COL9A2: variants seen among roughly 807,000 people sequenced by gnomAD.
COL9A2 encodes the protein collagen type IX alpha 2 chain, also known as collagen alpha-2(IX) chain.
In COL9A2, 66 loss-of-function variants were observed where a neutral mutation model predicts 111.6. The observed-to-expected ratio is 0.59, with a 90% CI of 0.48 to 0.73. The LOEUF (loss-of-function observed/expected upper bound fraction) is 0.73. Ranked by LOEUF, COL9A2 falls within the 30% of genes least tolerant of loss-of-function variation. The probability of loss-of-function intolerance (pLI) is 0.00; values close to 1 mark genes in which losing one functional copy is unlikely to be tolerated. For missense variants in COL9A2, 881 were observed against 954.1 expected (o/e 0.92, Z 1.01); for synonymous variants, 353 against 364.1 (o/e 0.97, Z 0.35).
At position 40,316,829 on chromosome 1, in the gene COL9A2, C is replaced by T; in HGVS notation, c.75+294G>A. 1.9e-6 allele frequency: 1 copy of T among 528,614 alleles called. No homozygotes were observed. Among genetic ancestry groups the T allele is most frequent in the Non-Finnish European group, 3.4e-6 (1 of 291,726 alleles). The allele number at this position is 528,614 out of a possible 1,614,324, so 32.7% of individuals were successfully genotyped here. ...ACCATTGTATGCCCCGCCACCTGGG[C>T]TCCCCGGGCTGCCAGGACCGGGCGC... On this transcript the variant is annotated intron_variant, in intron 1 of 31. Coordinates refer to ENST00000372748, the MANE Select transcript of COL9A2 (RefSeq NM_001852.4). The surrounding 1 kb of genome is among the most constrained non-coding windows in gnomAD (Gnocchi z 5.5).
In COL9A2 at chr1:40,304,386, A is replaced by G. The variant is rs763361168; in HGVS notation, c.1221T>C (p.Pro407=). ...TTCCGGGGGGGCCCTGCTCCCCCTT[A>G]GGGCCCTGAGGAGAAAAGAAACCAA... ...GQPGPQGRQG[P]KGEQGPPGIP... The change falls in exon 24 of 32, where the codon CCT becomes CCC. Residue 407 remains proline, a synonymous_variant. Transcript: ENST00000372748. The G allele has an allele frequency of 6.3e-7, 1 of 1,597,902 alleles. No homozygotes were observed. Among genetic ancestry groups the G allele is most frequent in the African/African-American group, 1.3e-5 (1 of 74,784 alleles).
At chr1:40,304,194 T>C (rs1643981783) in intron 24 of COL9A2, 95 bp from the exon 25 acceptor site, 1 of 1,516,732 alleles carries the variant, frequency 6.6e-7, no homozygotes, top group Non-Finnish European at 8.9e-7. Context: ...CAACTCCGCC[T>C]CGCCGACCAG....
rs79593152 is a variant in COL9A2, at chr1:40,302,216, C to T, written c.1793-327G>A. Among the ~76,000 whole-genome samples the T allele has an allele frequency of 0.052, 7,974 of 152,098 alleles. 234 individuals are homozygous for T. The highest frequency in any genetic ancestry group is 0.065 in the Middle Eastern group (19 of 294). ...TGATGAGGTTGGTACTTTCAGTGTC[C>T]CCATTTTACAGATAGTAAACCTAAG... On this transcript the variant is annotated intron_variant, in intron 30 of 31. Transcript: ENST00000372748. The surrounding 1 kb of genome is among the most constrained non-coding windows in gnomAD (Gnocchi z 4.5).
At chr1:40,301,717 A>C (rs1472111005) in intron 31 of COL9A2, 95 bp downstream of exon 31, 2 of 1,204,822 alleles carry the variant, frequency 1.7e-6, no homozygotes, top group African/African-American at 3.0e-5. Flanking sequence ...GAGCTGGCTG[A>C]GCGTGAGGCC....
rs1157992348 is a variant in COL9A2 at position 40,313,526 on chromosome 1, G to C, written c.249+679C>G. Among the ~76,000 whole-genome samples, 4 of 152,318 alleles carry C rather than the reference G, an allele frequency of 2.6e-5. No individual in the cohort carries two copies. In the South Asian group the frequency reaches 8.3e-4, roughly 32 times the overall value. On this transcript the variant is annotated intron_variant, in intron 4 of 31. Coordinates refer to ENST00000372748, the MANE Select transcript of COL9A2 (RefSeq NM_001852.4). ...TCTGGGTGCCTCTCTGGGTGGATGT[G>C]AGAACTGATGCAACATAGAAGGCAA...
In COL9A2 at chr1:40,304,351, G is replaced by A. The variant is rs1004011635; in HGVS notation, c.1256C>T (p.Pro419Leu). The A allele has an allele frequency of 2.5e-6, 4 of 1,575,994 alleles. No homozygotes were observed. The African/African-American group carries it at 4.0e-5, about 16-fold the overall frequency. ...GEQGPPGIPG[P>L]QGLPGVKGDK... is the part of the protein sequence containing the mutation. The stretch of plus-strand genomic sequence containing the variant: ...TCCTTTGACGCCTGGCAAGCCTTGG[G>A]GCCCTGGAATTCCGGGGGGGCCCTG... Residue 419 changes from proline (P) to leucine (L), a missense_variant, in exon 24 of 32, where the codon CCC (proline) becomes CTC (leucine). Pro to Leu is a moderately conservative substitution (Grantham distance 98). Transcript: ENST00000372748.
Position 40,312,344 on chromosome 1 carries a change from A to G in COL9A2, c.363+112T>C. The G allele has an allele frequency of 7.6e-6, 11 of 1,442,570 alleles. No homozygotes were observed. Among genetic ancestry groups the G allele is most frequent in the Non-Finnish European group, 1.1e-5 (11 of 1,046,730 alleles). 89.4% of individuals were successfully genotyped at this position (1,442,570 alleles called of 1,614,324 possible). The stretch of plus-strand genomic sequence containing the variant: ...TCTGGCAGGTCCACTTATTCCTGAC[A>G]CTATCACAGCAAGCTGGCTCCTTCC... On this transcript the variant is annotated intron_variant, in intron 7 of 31. Coordinates refer to ENST00000372748, the MANE Select transcript of COL9A2 (RefSeq NM_001852.4). This position sits in a 1 kb window ranked among gnomAD's most constrained non-coding sequence, Gnocchi z 6.0.
Position 40,314,080 on chromosome 1 carries a change from C to T in COL9A2, c.249+125G>A, listed in dbSNP as rs925193776. The T allele has an allele frequency of 9.5e-7, 1 of 1,057,872 alleles. No individual in the cohort carries two copies. Among genetic ancestry groups the T allele is most frequent in the Admixed American group, 1.7e-5 (1 of 59,192 alleles). 65.5% of individuals were successfully genotyped at this position (1,057,872 alleles called of 1,614,324 possible). On this transcript the variant is annotated intron_variant, in intron 4 of 31. Coordinates refer to ENST00000372748, the MANE Select transcript of COL9A2 (RefSeq NM_001852.4). The surrounding 1 kb of genome is among the most constrained non-coding windows in gnomAD (Gnocchi z 4.1). ...ACAAGTCATATCAAGGTGAGGGGGG[C>T]TCACAGCTGGAGAATCTCCATCCTG...
Position 40,305,774 on chromosome 1 carries a change from G to C in COL9A2, c.1054-6C>G, listed in dbSNP as rs748637045. 1 of 1,614,088 alleles carries C rather than the reference G, an allele frequency of 6.2e-7. No homozygotes were observed. ...CCCTGCGGGCCCGGCTCACCCTGCA[G>C]GAAAACAGTTCTCAGGTCAGTCTGG... On this transcript the variant is annotated splice_polypyrimidine_tract_variant and splice_region_variant and intron_variant, in intron 20 of 31. Coordinates refer to ENST00000372748, the MANE Select transcript of COL9A2 (RefSeq NM_001852.4).
chr1:40,315,681 G>C lies in COL9A2; in HGVS notation c.76-17C>G. On this transcript the variant is annotated splice_polypyrimidine_tract_variant and intron_variant, in intron 1 of 31. Transcript: ENST00000372748. ...TGGACCTCTCTGAAAAACACACACG[G>C]GGTGGGGCAGTCCTCAGACAGTGCA... The C allele has an allele frequency of 6.5e-7, 1 of 1,544,880 alleles. No individual in the cohort carries two copies. The highest frequency in any genetic ancestry group is 8.8e-7 in the Non-Finnish European group (1 of 1,141,424).
At chr1:40,301,969 G>T (rs1216515593) in intron 30 of COL9A2, 80 bp from the exon 31 acceptor site, 5 of 1,376,066 alleles carry the variant, frequency 3.6e-6, no homozygotes, top group African/African-American at 2.9e-5. Context: ...TTCACGCAAA[G>T]AAATTATTCC....
chr1:40,311,471 T>C lies in COL9A2; in HGVS notation c.519+29A>G. The C allele has an allele frequency of 7.7e-7, 1 of 1,293,720 alleles. No homozygotes were observed. The highest frequency in any genetic ancestry group is 1.1e-6 in the Non-Finnish European group (1 of 920,472). The allele number at this position is 1,293,720 out of a possible 1,614,324, so 80.1% of individuals were successfully genotyped here. A position where few individuals can be genotyped will look rare whatever the true frequency, so the allele number is the denominator to read the frequency against. On this transcript the variant is annotated intron_variant, in intron 10 of 31. Transcript: ENST00000372748. The surrounding 1 kb of genome is among the most constrained non-coding windows in gnomAD (Gnocchi z 5.1). ...ATCTCTGTGGCCCCGCCCCCCTGTGTTAGCCCCGCCCCAGACCTCGTCTCT... is the reference window on the plus strand; with the variant it reads ...ATCTCTGTGGCCCCGCCCCCCTGTGCTAGCCCCGCCCCAGACCTCGTCTCT...
At position 40,310,672 on chromosome 1, in the gene COL9A2, G is replaced by A. The variant is rs1202272262; in HGVS notation, c.684+42C>T. ...GGAATGACTCCATGAAGGGCTCCTG[G>A]GGTGAGGGAGAAGAGGGCCACTGAG... is the stretch of plus-strand genomic sequence containing the variant. On this transcript the variant is annotated intron_variant, in intron 13 of 31. Coordinates refer to ENST00000372748, the MANE Select transcript of COL9A2 (RefSeq NM_001852.4). This position sits in a 1 kb window ranked among gnomAD's most constrained non-coding sequence, Gnocchi z 4.9. The A allele has an allele frequency of 6.5e-7, 1 of 1,532,008 alleles. No homozygotes were observed. Among genetic ancestry groups the A allele is most frequent in the South Asian group, 1.2e-5 (1 of 84,004 alleles). The allele number at this position is 1,532,008 out of a possible 1,614,324, so 94.9% of individuals were successfully genotyped here.
chr1:40,304,631 C>CCAGTGACAGCAGGAA, intron 22 of COL9A2, 102 bp from the exon 23 acceptor site: 3 of 1,455,870 alleles, frequency 2.1e-6, no homozygotes, highest in Non-Finnish European at 2.8e-6. Flanking sequence ...TCCATTCCTG[C>CCAGTGACAGCAGGAA]TGTCACTGGC....
rs1181084800 is a variant in COL9A2, at chr1:40,312,201, C to T, written c.364-89G>A. The T allele has an allele frequency of 1.7e-6, 2 of 1,184,756 alleles. No homozygotes were observed. The highest frequency in any genetic ancestry group is 2.4e-6 in the Non-Finnish European group (2 of 831,030). The allele number at this position is 1,184,756 out of a possible 1,614,324, so 73.4% of individuals were successfully genotyped here. On this transcript the variant is annotated intron_variant, in intron 7 of 31. Transcript: ENST00000372748. This position sits in a 1 kb window ranked among gnomAD's most constrained non-coding sequence, Gnocchi z 6.0. Reference sequence around the variant, plus strand: ...AGAGACAGGCACCCAAAGCCCGTTTCTCCACTTTTACTTTTTTTTTTTTTT... The same window carrying T: ...AGAGACAGGCACCCAAAGCCCGTTTTTCCACTTTTACTTTTTTTTTTTTTT...
Position 40,303,724 on chromosome 1 carries a change from GGTGGGCGAGA to G in COL9A2, c.1402-58_1402-49del. 6.5e-7 allele frequency: 1 copy of G among 1,535,532 alleles called. No individual in the cohort carries two copies. The highest frequency in any genetic ancestry group is 8.8e-7 in the Non-Finnish European group (1 of 1,142,146). On this transcript the variant is annotated intron_variant, in intron 27 of 31. Coordinates refer to ENST00000372748, the MANE Select transcript of COL9A2 (RefSeq NM_001852.4). This position sits in a 1 kb window ranked among gnomAD's most constrained non-coding sequence, Gnocchi z 4.6. ...GCAGAGCCGGGTGAGAAGGCGCCCG[GGTGGGCGAGA>G]GTGGGGGGTGGGGGTCGAGGAAGGG...
chr1:40,305,614 G>A, intron 21 of COL9A2, 101 bp downstream of exon 21: 4 of 1,104,740 alleles, frequency 3.6e-6, no homozygotes, highest in Non-Finnish European at 5.6e-6. Context: ...CATTGGGTCA[G>A]GGCAGAGCCA....
In COL9A2 at chr1:40,303,258, C is replaced by T; in HGVS notation, c.1549-73G>A. ...ACCGCTCCTATCCCACCTGGCTGAG[C>T]GTGAGGCCGCCATGGAGGAGACTCT... On this transcript the variant is annotated intron_variant, in intron 28 of 31. Coordinates refer to ENST00000372748, the MANE Select transcript of COL9A2 (RefSeq NM_001852.4). The surrounding 1 kb of genome is among the most constrained non-coding windows in gnomAD (Gnocchi z 4.6). 1 of 1,452,516 alleles carries T rather than the reference C, an allele frequency of 6.9e-7. No homozygotes were observed. Among genetic ancestry groups the T allele is most frequent in the Non-Finnish European group, 9.5e-7 (1 of 1,051,352 alleles). 90.0% of individuals were successfully genotyped at this position (1,452,516 alleles called of 1,614,324 possible).
chr1:40,309,375 T>C (rs1288525353), intron 16 of COL9A2, among the ~76,000 whole-genome samples: 1 of 152,028 alleles, frequency 6.6e-6, no homozygotes, highest in Non-Finnish European at 1.5e-5. Flanking sequence ...TTAACTGTGT[T>C]TTCTGCTCCA....
Sources: gnomAD v4.1 joint callset for allele counts (sites outside exome capture counted in the v4.1 genomes callset) on GRCh38, gnomAD v4.1.1 for gene constraint, Gnocchi (gnomAD v3.1) non-coding constraint, MANE v1.5 for transcripts, NCBI Gene and HGNC (gene_info 2026-07-23, HGNC 2026-07-21) for gene names.